The following CSMD1 variants were observed in gnomAD, a reference collection of about 807,000 sequenced individuals.
The protein encoded by CSMD1 is CUB and Sushi multiple domains 1, also known as CUB and sushi domain-containing protein 1.
A neutral mutation model predicts 417.5 loss-of-function variants in CSMD1; 213 were observed. That is an observed-to-expected ratio of 0.51 (90% CI 0.46 to 0.57). The LOEUF is 0.57. CSMD1 is among the 20% of genes least tolerant of loss of function. The probability of loss-of-function intolerance (pLI) is 0.00; values close to 1 mark genes in which losing one functional copy is unlikely to be tolerated. For missense variants in CSMD1, 6,923 were observed against 4,529.7 expected (o/e 1.53, Z -15.17); for synonymous variants, 2,862 against 1,736.8 (o/e 1.65, Z -16.11).
chr8:3,703,759 C>G (rs931205), intron 7 of CSMD1, among the ~76,000 whole-genome samples: 145,550 of 152,176 alleles, frequency 0.96, 69,674 homozygotes, highest in East Asian at 1. Flanking sequence ...CTATGGCCAG[C>G]TATTACATAC....
At chr8:4,700,662 T>C (rs1289454324) in intron 1 of CSMD1, among the ~76,000 whole-genome samples, 1 of 152,036 alleles carries the variant, frequency 6.6e-6, no homozygotes, top group Non-Finnish European at 1.5e-5. Context: ...ACTGGACACA[T>C]AAAGAGAATA....
chr8:3,170,764 T>C (rs1044293626), intron 37 of CSMD1, among the ~76,000 whole-genome samples: 3 of 152,206 alleles, frequency 2.0e-5, no homozygotes, highest in Admixed American at 6.5e-5. Context: ...CTGTGTAAGT[T>C]TGTATTTAAA....
intron 1 of CSMD1, among the ~76,000 whole-genome samples, chr8:4,715,531 T>C (rs1341945100): frequency 6.6e-6 from 1 of 152,178 alleles, no homozygotes; most frequent in Admixed American, 6.5e-5. Context: ...CTTCCCCTTT[T>C]AATTGCACGT....
chr8:4,791,920 A>ATC lies in CSMD1; in HGVS notation c.86-154363_86-154362insGA, dbSNP rs1198953028. Among the ~76,000 whole-genome samples the ATC allele has an allele frequency of 1.5e-3, 235 of 151,688 alleles. 1 individual carries two copies. The highest frequency in any genetic ancestry group is 5.5e-3 in the African/African-American group (226 of 41,184). ...TCATCTTATTCGAAAAGGTAGATTAATTTAGTTTCTTTATGTTAGTTTTCC... is the reference window on the plus strand; with the variant it reads ...TCATCTTATTCGAAAAGGTAGATTAATCTTTAGTTTCTTTATGTTAGTTTTCC... On this transcript the variant is annotated intron_variant, in intron 1 of 69. Transcript: ENST00000635120.
chr8:4,361,973 T>G (rs1801794383), intron 3 of CSMD1, among the ~76,000 whole-genome samples: 1 of 151,282 alleles, frequency 6.6e-6, no homozygotes. Flanking sequence ...TCAAAATAAA[T>G]AAATAAATAA....
rs913657058 is a variant in CSMD1, at chr8:3,369,351, G to C, written c.2802C>G (p.Ile934Met). The change falls in exon 19 of 70, where the codon ATC (isoleucine) becomes ATG (methionine). Residue 934 changes from isoleucine to methionine, a missense_variant. Physicochemically the swap from Ile to Met is conservative, Grantham distance 10. Transcript: ENST00000635120. The stretch of plus-strand genomic sequence containing the variant: ...AAAGGACTGTTCCACTCTTCCCTTG[G>C]ATGTAGCCTCCACATAGAGCTTAAA... ...PSCDALCGGY[I>M]QGKSGTVLSP... 1.3e-6 allele frequency: 2 copies of C among 1,580,874 alleles called. No individual in the cohort carries two copies. The highest frequency in any genetic ancestry group is 2.7e-5 in the African/African-American group (2 of 74,150).
intron 1 of CSMD1, among the ~76,000 whole-genome samples, chr8:4,762,277 C>T (rs992995902): frequency 4.6e-5 from 7 of 151,782 alleles, no homozygotes; most frequent in African/African-American, 7.3e-5. Flanking sequence ...GTGTGGTTTA[C>T]GGGTAATTGG....
At chr8:3,405,973 G>C (rs1249778801) in intron 15 of CSMD1, 54 bp downstream of exon 15, 2 of 1,547,642 alleles carry the variant, frequency 1.3e-6, no homozygotes, top group East Asian at 2.2e-5. Flanking sequence ...GTGTGTGCCT[G>C]AAGATAGATG....
intron 25 of CSMD1, among the ~76,000 whole-genome samples, chr8:3,301,751 G>A (rs1804424338): frequency 6.6e-6 from 1 of 152,180 alleles, no homozygotes; most frequent in Non-Finnish European, 1.5e-5. Context: ...TGGGTAAGGA[G>A]CTGGTGCTTG....
At chr8:3,904,899 A>G (rs1160685650) in intron 5 of CSMD1, among the ~76,000 whole-genome samples, 1 of 152,006 alleles carries the variant, frequency 6.6e-6, no homozygotes, top group African/African-American at 2.4e-5. Flanking sequence ...CGCCTCCCAA[A>G]GGGCTGAGAT....
chr8:3,958,623 G>C (rs933032559), intron 5 of CSMD1, among the ~76,000 whole-genome samples: 1 of 151,904 alleles, frequency 6.6e-6, no homozygotes, highest in Non-Finnish European at 1.5e-5. Context: ...ATTTAAATGA[G>C]GTCCACCACA....
At chr8:3,718,439 T>G (rs2129043601) in intron 6 of CSMD1, among the ~76,000 whole-genome samples, 1 of 152,328 alleles carries the variant, frequency 6.6e-6, no homozygotes, top group Non-Finnish European at 1.5e-5. Flanking sequence ...AATCATCCTC[T>G]GAAAGCCTGA....
intron 3 of CSMD1, among the ~76,000 whole-genome samples, chr8:4,244,075 T>C (rs980606792): frequency 2.6e-5 from 4 of 152,216 alleles, no homozygotes; most frequent in Non-Finnish European, 5.9e-5. Flanking sequence ...AGTCCTGTTG[T>C]GGACAGCTCT....
chr8:3,744,086 C>G (rs779957718), intron 6 of CSMD1, among the ~76,000 whole-genome samples: 1 of 152,294 alleles, frequency 6.6e-6, no homozygotes, highest in Admixed American at 6.5e-5. Context: ...ACCTGTCTCC[C>G]CAGCATGCAT....
intron 2 of CSMD1, among the ~76,000 whole-genome samples, chr8:4,599,930 G>T (rs901862568): frequency 2.0e-5 from 3 of 152,144 alleles, no homozygotes; most frequent in Non-Finnish European, 4.4e-5. Flanking sequence ...CTGAACCCAG[G>T]TATGCATGGA....
chr8:2,996,657 G>C (rs914938250), intron 54 of CSMD1, among the ~76,000 whole-genome samples: 1 of 152,228 alleles, frequency 6.6e-6, no homozygotes, highest in Non-Finnish European at 1.5e-5. Context: ...ACAGTTGTCA[G>C]TCATAAGAGT....
chr8:4,034,083 G>C (rs573315105), intron 3 of CSMD1, among the ~76,000 whole-genome samples: 2 of 152,082 alleles, frequency 1.3e-5, no homozygotes, highest in African/African-American at 4.8e-5. Flanking sequence ...ATCGGCATGG[G>C]GGTGTATTTT....
intron 2 of CSMD1, among the ~76,000 whole-genome samples, chr8:4,448,756 G>C (rs55696300): frequency 6.6e-6 from 1 of 152,056 alleles, no homozygotes; most frequent in Admixed American, 6.6e-5. Flanking sequence ...ATGACATAAT[G>C]ACAACCATAT....
At chr8:4,297,617 A>T (rs952725093) in intron 3 of CSMD1, among the ~76,000 whole-genome samples, 3 of 152,118 alleles carry the variant, frequency 2.0e-5, no homozygotes, top group African/African-American at 7.2e-5. Context: ...GATAGCCTGA[A>T]ATTGAACTTG....
Sources: gnomAD v4.1 joint callset for allele counts (sites outside exome capture counted in the v4.1 genomes callset) on GRCh38, gnomAD v4.1.1 for gene constraint, MANE v1.5 for transcripts, NCBI Gene and HGNC (gene_info 2026-07-23, HGNC 2026-07-21) for gene names.